KIZ: variants seen among roughly 807,000 people sequenced by gnomAD.
KIZ encodes the protein centrosomal protein kizuna.
KIZ carries 68 observed loss-of-function variants against 79.6 expected under a neutral mutation model. The ratio of observed to expected loss-of-function variants is 0.85; its 90% CI spans 0.70 to 1.05. The LOEUF is 1.05. Among genes scored for constraint, KIZ ranks in the 50% least tolerant of loss-of-function variants. The pLI is 0.00. For synonymous variants in KIZ, 280 were observed against 281.8 expected (o/e 0.99, Z 0.06); for missense variants, 797 against 800.4 (o/e 1.00, Z 0.05).
intron 2 of KIZ, among the ~76,000 whole-genome samples, chr20:21,133,650 GA>G (rs1432284805): frequency 6.6e-6 from 1 of 152,234 alleles, no homozygotes; most frequent in Non-Finnish European, 1.5e-5. Flanking sequence ...GCCTGTAGAA[GA>G]AAATCCAAAC....
At chr20:21,241,405 C>T (rs374392128) in intron 11 of KIZ, among the ~76,000 whole-genome samples, 9 of 152,340 alleles carry the variant, frequency 5.9e-5, no homozygotes, top group South Asian at 4.1e-4. Context: ...CTGCCCTTCT[C>T]CGTGGGTAGG....
At chr20:21,231,421 C>T (rs2036829051) in intron 10 of KIZ, among the ~76,000 whole-genome samples, 2 of 152,150 alleles carry the variant, frequency 1.3e-5, no homozygotes, top group South Asian at 4.1e-4. Context: ...TATTAATAAC[C>T]TTGTACTTAA....
At chr20:21,203,844 G>A (rs908784429) in intron 6 of KIZ, among the ~76,000 whole-genome samples, 3 of 151,894 alleles carry the variant, frequency 2.0e-5, no homozygotes, top group Admixed American at 2.0e-4. Context: ...TTTGAACTGT[G>A]CAGTTCAGTA....
intron 4 of KIZ, among the ~76,000 whole-genome samples, chr20:21,149,653 C>T (rs904885815): frequency 6.6e-6 from 1 of 152,192 alleles, no homozygotes; most frequent in African/African-American, 2.4e-5. Context: ...GACAGCACCC[C>T]AGTATGAGAT....
At position 21,162,083 on chromosome 20, in the gene KIZ, C is replaced by T. The variant is rs574699295; in HGVS notation, c.618C>T (p.Ser206=). The T allele has an allele frequency of 3.7e-6, 6 of 1,613,758 alleles. No individual in the cohort carries two copies. In the African/African-American group the frequency reaches 6.7e-5, roughly 18 times the overall value. Reference sequence around the variant, plus strand: ...CCCAGAGCAGTAATGTGACAGACAGCTGTGTAGTACAAACTAGTAATGACA... The same window carrying T: ...CCCAGAGCAGTAATGTGACAGACAGTTGTGTAGTACAAACTAGTAATGACA... ...QTAQSSNVTD[S]CVVQTSNDTQ... is the part of the protein sequence containing the mutation. The change falls in exon 5 of 13, where the codon AGC becomes AGT. Residue 206 remains serine, a synonymous_variant. Coordinates refer to ENST00000619189, the MANE Select transcript of KIZ (RefSeq NM_018474.6).
At chr20:21,156,002 T>C (rs1418551364) in intron 4 of KIZ, among the ~76,000 whole-genome samples, 1 of 152,224 alleles carries the variant, frequency 6.6e-6, no homozygotes, top group African/African-American at 2.4e-5. Context: ...ATTCTGCCCA[T>C]GTATTCAGCC....
At chr20:21,158,088 G>T (rs1348767035) in intron 4 of KIZ, among the ~76,000 whole-genome samples, 1 of 152,152 alleles carries the variant, frequency 6.6e-6, no homozygotes, top group East Asian at 1.9e-4. Flanking sequence ...CAGGAAAAAT[G>T]AAAGTAGTTG....
chr20:21,234,537 T>G (rs1240403015), intron 11 of KIZ, among the ~76,000 whole-genome samples: 1 of 152,006 alleles, frequency 6.6e-6, no homozygotes, highest in Non-Finnish European at 1.5e-5. Context: ...AGCTCCAGTT[T>G]TGCTGTTTGT....
chr20:21,173,477 C>T (rs146714563), intron 6 of KIZ, among the ~76,000 whole-genome samples: 4 of 150,846 alleles, frequency 2.7e-5, no homozygotes, highest in Non-Finnish European at 5.9e-5. Flanking sequence ...ACTTGGGAGG[C>T]TGAGCCAGGA....
At chr20:21,148,230 A>C (rs75142133) in intron 4 of KIZ, among the ~76,000 whole-genome samples, 4 of 152,154 alleles carry the variant, frequency 2.6e-5, no homozygotes, top group African/African-American at 9.7e-5. Context: ...ATTGGTGATC[A>C]TTCTGAATTA....
chr20:21,165,922 A>G (rs890301187), intron 6 of KIZ, among the ~76,000 whole-genome samples: 1 of 152,030 alleles, frequency 6.6e-6, no homozygotes, highest in Non-Finnish European at 1.5e-5. Context: ...CAGCCTTACA[A>G]ATAGCTGGGA....
intron 10 of KIZ, among the ~76,000 whole-genome samples, chr20:21,230,272 C>G (rs755230121): frequency 1.3e-5 from 2 of 152,042 alleles, no homozygotes; most frequent in African/African-American, 2.4e-5. Flanking sequence ...GCCAGGAGTG[C>G]GAGACCAGCC....
At chr20:21,239,658 T>C (rs1287186489) in intron 11 of KIZ, among the ~76,000 whole-genome samples, 1 of 152,234 alleles carries the variant, frequency 6.6e-6, no homozygotes, top group Non-Finnish European at 1.5e-5. Context: ...AGACCAATTC[T>C]AGCTACGTTA....
At chr20:21,197,491 T>C (rs535533239) in intron 6 of KIZ, 9 of 152,350 alleles carry the variant, frequency 5.9e-5, no homozygotes, top group Non-Finnish European at 1.2e-4. Flanking sequence ...TTTGTTATGA[T>C]TGACAATATA....
intron 3 of KIZ, among the ~76,000 whole-genome samples, chr20:21,143,520 G>A (rs558835482): frequency 2.0e-5 from 3 of 152,254 alleles, no homozygotes; most frequent in East Asian, 1.9e-4. Flanking sequence ...TCTGTTAATC[G>A]TTGTTAACAG....
intron 9 of KIZ, among the ~76,000 whole-genome samples, chr20:21,224,731 T>C (rs1302440507): frequency 6.6e-6 from 1 of 152,228 alleles, no homozygotes; most frequent in Non-Finnish European, 1.5e-5. Flanking sequence ...CCTTAGAGAC[T>C]GGTGAACCAC....
intron 3 of KIZ, among the ~76,000 whole-genome samples, chr20:21,144,768 C>T (rs1221461944): frequency 6.6e-6 from 1 of 152,164 alleles, no homozygotes; most frequent in Non-Finnish European, 1.5e-5. Context: ...CTCATTTCAT[C>T]TCATAGGTGT....
chr20:21,147,341 G>A (rs1425664976), intron 4 of KIZ, among the ~76,000 whole-genome samples: 2 of 152,136 alleles, frequency 1.3e-5, no homozygotes, highest in Non-Finnish European at 2.9e-5. Flanking sequence ...GAATCGATTA[G>A]GTAACACTTT....
intron 4 of KIZ, 68 bp from the exon 5 acceptor site, chr20:21,161,800 GAAA>G (rs113752643): frequency 4.5e-6 from 4 of 884,478 alleles, no homozygotes; most frequent in African/African-American, 3.8e-5. Flanking sequence ...TTCATTTCTG[GAAA>G]AAAAAAAAAA....
Sources: allele counts gnomAD v4.1 joint callset (sites outside exome capture counted in the v4.1 genomes callset), GRCh38; gene constraint gnomAD v4.1.1; transcripts MANE v1.5; gene names NCBI Gene and HGNC (gene_info 2026-07-23, HGNC 2026-07-21).